CREB5: variants seen among roughly 807,000 people sequenced by gnomAD.
The protein encoded by CREB5 is cyclic AMP-responsive element-binding protein 5.
In CREB5, 19 loss-of-function variants were observed where a neutral mutation model predicts 57.1. The ratio of observed to expected loss-of-function variants is 0.33; its 90% confidence interval spans 0.23 to 0.49. The LOEUF (loss-of-function observed/expected upper bound fraction) is 0.49, where lower values mean the gene tolerates loss of function less well. Ranked by LOEUF, CREB5 falls within the 20% of genes least tolerant of loss-of-function variation. CREB5 has a pLI of 0.99. For synonymous variants in CREB5, 238 were observed against 238.3 expected, an observed-to-expected ratio of 1.00 and a Z score of 0.01; for missense variants, 579 against 671.6, an observed-to-expected ratio of 0.86 and a Z score of 1.52.
At chr7:28,666,925 C>T (rs1362445233) in intron 5 of CREB5, among the ~76,000 whole-genome samples, 1 of 150,158 alleles carries the variant, frequency 6.7e-6, no homozygotes, top group Non-Finnish European at 1.5e-5. Flanking sequence ...AAGAGAGAGA[C>T]CCTTTCTTAG....
intron 1 of CREB5, among the ~76,000 whole-genome samples, chr7:28,479,087 C>T (rs1299377265): frequency 5.3e-5 from 8 of 152,170 alleles, no homozygotes; most frequent in Admixed American, 6.5e-5. Context: ...TTCATCTCCT[C>T]TTCTGTATGT....
intron 1 of CREB5, among the ~76,000 whole-genome samples, chr7:28,354,263 G>C (rs566286674): frequency 6.6e-6 from 1 of 152,168 alleles, no homozygotes; most frequent in African/African-American, 2.4e-5. Context: ...TTAACATTGA[G>C]TCAGTGGGCT....
In CREB5 at chr7:28,534,788, A is replaced by C. The variant is rs1583591133; in HGVS notation, c.291+27051A>C. Reference sequence around the variant, plus strand: ...TTTTTGTAATCCTCACAATAACCCTATGAGGTACACGCTATTATGTCCCCA... The same window carrying C: ...TTTTTGTAATCCTCACAATAACCCTCTGAGGTACACGCTATTATGTCCCCA... On this transcript the variant is annotated intron_variant, in intron 4 of 10. Coordinates refer to ENST00000357727, the MANE Select transcript of CREB5 (RefSeq NM_182898.4). 4.2e-5 allele frequency among the ~76,000 whole-genome samples: 6 copies of C among 141,530 alleles called. 1 individual carries two copies. The East Asian group carries it at 7.9e-4, about 19-fold the overall frequency. The allele number at this position is 141,530 out of a possible 152,430, so 92.8% of individuals were successfully genotyped here. A position where few individuals can be genotyped will look rare whatever the true frequency, so the allele number is the denominator to read the frequency against.
chr7:28,354,914 A>G (rs893946178), intron 1 of CREB5, among the ~76,000 whole-genome samples: 10 of 152,186 alleles, frequency 6.6e-5, no homozygotes, highest in African/African-American at 1.9e-4. Flanking sequence ...GAATGCCTGC[A>G]TGGAGCAAAA....
intron 5 of CREB5, among the ~76,000 whole-genome samples, chr7:28,644,318 G>A (rs1220787326): frequency 6.6e-6 from 1 of 152,080 alleles, no homozygotes; most frequent in African/African-American, 2.4e-5. Flanking sequence ...TCTTCAAAAG[G>A]TAGAAACCCT....
intron 5 of CREB5, among the ~76,000 whole-genome samples, chr7:28,648,296 G>C (rs975930980): frequency 6.6e-6 from 1 of 152,114 alleles, no homozygotes; most frequent in African/African-American, 2.4e-5. Flanking sequence ...TCTTTTATTT[G>C]AAGAGGAGAT....
chr7:28,449,853 A>G (rs1248057118), intron 1 of CREB5, among the ~76,000 whole-genome samples: 1 of 152,206 alleles, frequency 6.6e-6, no homozygotes, highest in Non-Finnish European at 1.5e-5. Context: ...TGTCTCTCCT[A>G]AAAAGGTTTC....
At chr7:28,408,442 A>G (rs1237242489), upstream of CREB5, among the ~76,000 whole-genome samples, 3 of 152,176 alleles carry the variant, frequency 2.0e-5, no homozygotes, top group African/African-American at 7.2e-5. Flanking sequence ...TGACGGCCGG[A>G]TACTGGAGAC....
chr7:28,461,703 T>C (rs577753155), intron 1 of CREB5, among the ~76,000 whole-genome samples: 16 of 152,288 alleles, frequency 1.1e-4, no homozygotes, highest in African/African-American at 3.8e-4. Context: ...AACGATTTCG[T>C]GAATGTGATT....
intron 1 of CREB5, among the ~76,000 whole-genome samples, chr7:28,414,693 G>A (rs140114602): frequency 1.2e-4 from 19 of 152,094 alleles, no homozygotes; most frequent in South Asian, 2.1e-4. Flanking sequence ...ATTACATTTC[G>A]TAATTAGGAA....
chr7:28,425,821 C>T (rs1357666968), intron 1 of CREB5, among the ~76,000 whole-genome samples: 2 of 152,148 alleles, frequency 1.3e-5, no homozygotes, highest in Non-Finnish European at 2.9e-5. Context: ...CTTCACTGCA[C>T]CTTTGACATT....
At chr7:28,492,699 T>C (rs1168289906) in intron 2 of CREB5, among the ~76,000 whole-genome samples, 1 of 149,716 alleles carries the variant, frequency 6.7e-6, no homozygotes, top group East Asian at 1.9e-4. Context: ...TACCATGTTG[T>C]GTATTTTTGT....
At chr7:28,486,670 T>TTATATATA (rs139222705) in intron 1 of CREB5, among the ~76,000 whole-genome samples, 2,347 of 89,092 alleles carry the variant, frequency 0.026, 271 homozygotes, top group African/African-American at 0.04. Context: ...TCCTATGATT[T>TTATATATA]TATATATATA....
chr7:28,311,676 G>A (rs1226393064), intron 1 of CREB5, among the ~76,000 whole-genome samples: 2 of 152,210 alleles, frequency 1.3e-5, no homozygotes, highest in African/African-American at 4.8e-5. Flanking sequence ...AAAACAGGGA[G>A]TCAGGAGCCC....
At chr7:28,525,269 T>C (rs1378635000) in intron 4 of CREB5, among the ~76,000 whole-genome samples, 1 of 152,226 alleles carries the variant, frequency 6.6e-6, no homozygotes, top group Non-Finnish European at 1.5e-5. Context: ...CTATTGTGAA[T>C]AGTGCTGCAA....
At chr7:28,424,287 C>G (rs1209306600) in intron 1 of CREB5, among the ~76,000 whole-genome samples, 1 of 152,204 alleles carries the variant, frequency 6.6e-6, no homozygotes, top group Non-Finnish European at 1.5e-5. Context: ...CAGGAAAACA[C>G]AATTCAAACC....
intron 4 of CREB5, among the ~76,000 whole-genome samples, chr7:28,527,685 G>A (rs1006584274): frequency 1.1e-4 from 16 of 152,286 alleles, no homozygotes; most frequent in Middle Eastern, 6.8e-3. Flanking sequence ...GCCAGGCATG[G>A]TGGTGCATGC....
intron 4 of CREB5, among the ~76,000 whole-genome samples, chr7:28,560,879 C>CGTGCGTGTGT (rs1554344366): frequency 4.5e-5 from 1 of 22,060 alleles, no homozygotes; most frequent in African/African-American, 1.3e-4. Flanking sequence ...CGTGCGCGTG[C>CGTGCGTGTGT]GTGCGTGCGT....
intron 5 of CREB5, among the ~76,000 whole-genome samples, chr7:28,587,559 G>T (rs1202164797): frequency 6.6e-6 from 1 of 151,028 alleles, no homozygotes; most frequent in Non-Finnish European, 1.5e-5. Context: ...TGGGCTGGGG[G>T]TGGGGGTGGG....
Sources: allele counts gnomAD v4.1 joint callset (sites outside exome capture counted in the v4.1 genomes callset), GRCh38; gene constraint gnomAD v4.1.1; transcripts MANE v1.5; gene names NCBI Gene and HGNC (gene_info 2026-07-23, HGNC 2026-07-21).